ALK: variants seen among roughly 807,000 people sequenced by gnomAD.
The protein encoded by ALK is ALK tyrosine kinase receptor.
ALK carries 74 observed loss-of-function variants against 163.1 expected under a neutral mutation model. The observed-to-expected ratio is 0.45, with a 90% confidence interval of 0.38 to 0.55. The LOEUF is 0.55. Among genes scored for constraint, ALK ranks in the 20% least tolerant of loss-of-function variants. ALK has a pLI of 0.00. For synonymous variants in ALK, 960 were observed against 843.2 expected (o/e 1.14, Z -2.40); for missense variants, 2,063 against 2,105.3 (o/e 0.98, Z 0.39).
intron 3 of ALK, among the ~76,000 whole-genome samples, chr2:29,555,658 A>T (rs1673834688): frequency 6.6e-6 from 1 of 152,206 alleles, no homozygotes; most frequent in African/African-American, 2.4e-5. Flanking sequence ...CAACTGAAGA[A>T]GCAGATAGTG....
chr2:29,541,727 G>A (rs926408825), intron 3 of ALK, among the ~76,000 whole-genome samples: 1 of 152,210 alleles, frequency 6.6e-6, no homozygotes, highest in Non-Finnish European at 1.5e-5. Flanking sequence ...CTGCAAAGCT[G>A]TCTTTTGTGG....
intron 3 of ALK, among the ~76,000 whole-genome samples, chr2:29,626,639 C>T (rs1160495303): frequency 6.6e-6 from 1 of 152,188 alleles, no homozygotes; most frequent in Non-Finnish European, 1.5e-5. Flanking sequence ...TCAGAACTGG[C>T]ACTCTCCCCT....
At chr2:29,817,606 A>G (rs968176811) in intron 1 of ALK, among the ~76,000 whole-genome samples, 3 of 152,184 alleles carry the variant, frequency 2.0e-5, no homozygotes, top group Non-Finnish European at 4.4e-5. Flanking sequence ...CACTACCATT[A>G]TACTGACTTG....
At chr2:29,528,165 CTG>C (rs547357403) in intron 4 of ALK, among the ~76,000 whole-genome samples, 86 of 152,340 alleles carry the variant, frequency 5.6e-4, no homozygotes, top group African/African-American at 2.0e-3. Flanking sequence ...CCTCCACACA[CTG>C]TGTAGTTCTG....
intron 1 of ALK, among the ~76,000 whole-genome samples, chr2:29,758,247 T>C (rs1272524961): frequency 6.6e-6 from 1 of 152,084 alleles, no homozygotes; most frequent in Non-Finnish European, 1.5e-5. Flanking sequence ...CCTCCTCAAG[T>C]GATCTGCCTG....
intron 25 of ALK, 60 bp downstream of exon 25, chr2:29,209,726 A>G (rs893204427): frequency 4.6e-6 from 6 of 1,301,666 alleles, no homozygotes; most frequent in Non-Finnish European, 6.7e-6. Flanking sequence ...GCCACACCCC[A>G]TTCTTGAGGG....
chr2:29,273,443 C>T (rs889960501), intron 11 of ALK, among the ~76,000 whole-genome samples: 3 of 152,204 alleles, frequency 2.0e-5, no homozygotes, highest in Non-Finnish European at 2.9e-5. Context: ...GGGGAGTCAT[C>T]GCCACGTGTG....
At chr2:29,415,417 T>C (rs1669852048) in intron 4 of ALK, among the ~76,000 whole-genome samples, 1 of 152,130 alleles carries the variant, frequency 6.6e-6, no homozygotes, top group African/African-American at 2.4e-5. Flanking sequence ...TCTAATCCAC[T>C]GTCTTCTGCT....
intron 3 of ALK, among the ~76,000 whole-genome samples, chr2:29,609,157 C>T (rs922712303): frequency 4.6e-5 from 7 of 152,182 alleles, no homozygotes; most frequent in Admixed American, 1.3e-4. Flanking sequence ...CTCCTGGCCT[C>T]AAACAATCTG....
chr2:29,706,975 A>ATGTGTGTGTGTGTGTG lies in ALK; in HGVS notation c.787+10587_787+10602dup, dbSNP rs766564449. On this transcript the variant is annotated intron_variant, in intron 2 of 28. Coordinates refer to ENST00000389048, the MANE Select transcript of ALK (RefSeq NM_004304.5). ...AATTTCCAGGAAACACTCATGCAGA[A>ATGTGTGTGTGTGTGTG]TGTGTGTGTGTGTGTGTGTGTGTGT... 1.6e-4 allele frequency among the ~76,000 whole-genome samples: 16 copies of ATGTGTGTGTGTGTGTG among 102,784 alleles called. 2 individuals are homozygous for ATGTGTGTGTGTGTGTG. The highest frequency in any genetic ancestry group is 6.3e-4 in the East Asian group (2 of 3,166). 67.4% of individuals were successfully genotyped at this position (102,784 alleles called of 152,430 possible).
chr2:29,424,250 T>G (rs1670085008), intron 4 of ALK, among the ~76,000 whole-genome samples: 2 of 152,204 alleles, frequency 1.3e-5, no homozygotes, highest in Non-Finnish European at 1.5e-5. Context: ...ATGAATGGCT[T>G]ATCTAACCTG....
At chr2:29,863,747 C>T (rs1572448478) in intron 1 of ALK, among the ~76,000 whole-genome samples, 1 of 152,104 alleles carries the variant, frequency 6.6e-6, no homozygotes, top group South Asian at 2.1e-4. Flanking sequence ...AATAGATCTA[C>T]CATATGATCC....
rs568946593 is a variant in ALK, at chr2:29,246,165, C to A, written c.2204+4940G>T. The stretch of plus-strand genomic sequence containing the variant: ...TGGGGAGGAGATGGGGGCAGGACTG[C>A]GGGCTGAGAAGGATGCTGGTCCTAG... On this transcript the variant is annotated intron_variant, in intron 12 of 28. Transcript: ENST00000389048. The surrounding 1 kb of genome is among the most constrained non-coding windows in gnomAD (Gnocchi z 4.3). 7.6e-5 allele frequency among the ~76,000 whole-genome samples: 11 copies of A among 145,380 alleles called. No individual in the cohort carries two copies. The South Asian group carries it at 2.0e-3, about 26-fold the overall frequency.
intron 11 of ALK, among the ~76,000 whole-genome samples, chr2:29,261,599 G>T (rs1665091026): frequency 6.6e-6 from 1 of 152,118 alleles, no homozygotes; most frequent in Non-Finnish European, 1.5e-5. Flanking sequence ...AATGACCATG[G>T]TCTAGAACCT....
intron 3 of ALK, among the ~76,000 whole-genome samples, chr2:29,646,031 C>G (rs548210455): frequency 6.6e-6 from 1 of 152,076 alleles, no homozygotes; most frequent in African/African-American, 2.4e-5. Context: ...TATCTTCAGC[C>G]GAGACCACTG....
chr2:29,740,863 G>A (rs190160710), intron 1 of ALK, among the ~76,000 whole-genome samples: 56 of 152,184 alleles, frequency 3.7e-4, no homozygotes, highest in South Asian at 2.5e-3. Context: ...TTAGCCAGGC[G>A]TGGTGGTGGA....
intron 1 of ALK, among the ~76,000 whole-genome samples, chr2:29,756,927 G>A (rs193295666): frequency 3.3e-5 from 5 of 152,324 alleles, no homozygotes; most frequent in East Asian, 3.9e-4. Context: ...TGGCATTGCC[G>A]TGGGAGAGCA....
intron 1 of ALK, among the ~76,000 whole-genome samples, chr2:29,827,404 T>C (rs576720166): frequency 1.3e-5 from 2 of 152,364 alleles, no homozygotes; most frequent in South Asian, 2.1e-4. Context: ...TGTCATGATG[T>C]GATGTCCTCT....
At chr2:29,645,953 T>G (rs2148249639) in intron 3 of ALK, among the ~76,000 whole-genome samples, 1 of 152,270 alleles carries the variant, frequency 6.6e-6, no homozygotes, top group South Asian at 2.1e-4. Flanking sequence ...AGTCATTCAT[T>G]CCCTTGGGAA....
Sources: allele counts gnomAD v4.1 joint callset (sites outside exome capture counted in the v4.1 genomes callset), GRCh38; gene constraint gnomAD v4.1.1; non-coding constraint Gnocchi (gnomAD v3.1); transcripts MANE v1.5; gene names NCBI Gene and HGNC (gene_info 2026-07-23, HGNC 2026-07-21).